PDGFD: variants seen among roughly 807,000 people sequenced by gnomAD.
The protein encoded by PDGFD is platelet derived growth factor D, also known as platelet-derived growth factor D.
In PDGFD, 30 loss-of-function variants were observed where a neutral mutation model predicts 44.7. The observed-to-expected ratio is 0.67, with a 90% CI of 0.50 to 0.91. The LOEUF is 0.91. Ranked by LOEUF, PDGFD falls within the 40% of genes least tolerant of loss-of-function variation. The probability of loss-of-function intolerance (pLI) is 0.00; values close to 1 mark genes in which losing one functional copy is unlikely to be tolerated. For synonymous variants in PDGFD, 173 were observed against 168.4 expected (o/e 1.03, Z -0.21); for missense variants, 445 against 457.8 (o/e 0.97, Z 0.25).
chr11:104,052,977 T>C (rs1206367512), intron 1 of PDGFD, among the ~76,000 whole-genome samples: 2 of 152,356 alleles, frequency 1.3e-5, no homozygotes, highest in African/African-American at 4.8e-5. Flanking sequence ...AGTAGTTTTT[T>C]CAGTAGAATA....
chr11:103,931,471 A>G (rs1858397498), intron 5 of PDGFD, among the ~76,000 whole-genome samples: 1 of 152,198 alleles, frequency 6.6e-6, no homozygotes, highest in Non-Finnish European at 1.5e-5. Flanking sequence ...CCATTCATCA[A>G]TCTTTATTCT....
intron 4 of PDGFD, among the ~76,000 whole-genome samples, chr11:103,947,249 T>G (rs1858680120): frequency 6.6e-6 from 1 of 152,160 alleles, no homozygotes; most frequent in South Asian, 2.1e-4. Flanking sequence ...ATTTTTCAAG[T>G]CTGAAAAGAC....
intron 1 of PDGFD, among the ~76,000 whole-genome samples, chr11:104,026,271 A>G (rs913501815): frequency 1.3e-5 from 2 of 152,200 alleles, no homozygotes; most frequent in African/African-American, 4.8e-5. Context: ...ACCCTTGGCC[A>G]TTCACTCAAA....
At chr11:103,986,335 G>A (rs993643125) in intron 3 of PDGFD, among the ~76,000 whole-genome samples, 1 of 152,186 alleles carries the variant, frequency 6.6e-6, no homozygotes, top group Non-Finnish European at 1.5e-5. Flanking sequence ...GAGTACAAGA[G>A]TAGAACAGAG....
intron 1 of PDGFD, among the ~76,000 whole-genome samples, chr11:104,075,968 T>C (rs1860952490): frequency 6.6e-6 from 1 of 152,212 alleles, no homozygotes; most frequent in Non-Finnish European, 1.5e-5. Flanking sequence ...TCTTGAATTG[T>C]AATACCCATG....
intron 1 of PDGFD, among the ~76,000 whole-genome samples, chr11:104,143,733 T>C (rs1246078327): frequency 6.6e-6 from 1 of 152,214 alleles, no homozygotes; most frequent in Non-Finnish European, 1.5e-5. Context: ...GCCTGGCATA[T>C]AGTGAGTATT....
intron 5 of PDGFD, among the ~76,000 whole-genome samples, chr11:103,932,084 T>C (rs1858408822): frequency 6.6e-6 from 1 of 152,218 alleles, no homozygotes; most frequent in Admixed American, 6.5e-5. Flanking sequence ...TCCTTCTCTA[T>C]GTACTCACCA....
intron 1 of PDGFD, among the ~76,000 whole-genome samples, chr11:104,148,335 G>T (rs1489853581): frequency 6.6e-6 from 1 of 152,100 alleles, no homozygotes; most frequent in Non-Finnish European, 1.5e-5. Flanking sequence ...ATAGACCAAT[G>T]ATAATATGTG....
Position 103,908,176 on chromosome 11 carries a change from T to C in PDGFD, c.*1518A>G, listed in dbSNP as rs1372024706. 1 of 152,212 alleles carries C rather than the reference T, an allele frequency of 6.6e-6. No individual in the cohort carries two copies. The highest frequency in any genetic ancestry group is 2.4e-5 in the African/African-American group (1 of 41,466). 9.4% of individuals were successfully genotyped at this position (152,212 alleles called of 1,614,324 possible). A position where few individuals can be genotyped will look rare whatever the true frequency, so the allele number is the denominator to read the frequency against. On this transcript the variant is annotated 3_prime_UTR_variant, in exon 7 of 7. Transcript: ENST00000393158. ...AACTTTCAAGGCAATAAGAAAAATG[T>C]AGTTCTCTGTTAGCAGTCCCTGAGC...
intron 1 of PDGFD, among the ~76,000 whole-genome samples, chr11:104,106,877 G>A (rs1420133264): frequency 6.6e-6 from 1 of 151,826 alleles, no homozygotes. Flanking sequence ...GCAAGTAGCT[G>A]GGACTACAGG....
chr11:104,152,627 T>C (rs900238354), intron 1 of PDGFD, among the ~76,000 whole-genome samples: 2 of 152,182 alleles, frequency 1.3e-5, no homozygotes, highest in Non-Finnish European at 2.9e-5. Flanking sequence ...AAAGGATTCA[T>C]TCTAGTCAGT....
intron 1 of PDGFD, among the ~76,000 whole-genome samples, chr11:104,144,462 C>T (rs1373182413): frequency 1.5e-5 from 2 of 134,728 alleles, no homozygotes; most frequent in Non-Finnish European, 3.1e-5. Flanking sequence ...GCTGAGATTG[C>T]GCCACTGCAC....
chr11:104,102,119 CTA>C (rs1861393709), intron 1 of PDGFD, among the ~76,000 whole-genome samples: 1 of 152,152 alleles, frequency 6.6e-6, no homozygotes, highest in South Asian at 2.1e-4. Context: ...GCAAAAGAAA[CTA>C]CCATAAGAGA....
intron 3 of PDGFD, among the ~76,000 whole-genome samples, chr11:103,995,169 C>A (rs928344096): frequency 2.0e-5 from 3 of 152,130 alleles, no homozygotes; most frequent in Non-Finnish European, 1.5e-5. Context: ...GCATGAGCCA[C>A]CACACCTGGC....
intron 1 of PDGFD, among the ~76,000 whole-genome samples, chr11:104,151,523 CCAA>C (rs951286553): frequency 6.6e-6 from 1 of 151,952 alleles, no homozygotes; most frequent in Non-Finnish European, 1.5e-5. Flanking sequence ...ATTTACATTC[CCAA>C]CAAAGAGAGA....
At chr11:103,982,211 A>G (rs965031337) in intron 3 of PDGFD, among the ~76,000 whole-genome samples, 1 of 151,768 alleles carries the variant, frequency 6.6e-6, no homozygotes, top group African/African-American at 2.4e-5. Flanking sequence ...TCAGATTACT[A>G]TAGACATAAA....
At chr11:103,968,242 G>C (rs1054425070) in intron 3 of PDGFD, among the ~76,000 whole-genome samples, 14 of 152,054 alleles carry the variant, frequency 9.2e-5, no homozygotes, top group East Asian at 5.8e-4. Context: ...TCAATACTTG[G>C]CACCTGAGTA....
At chr11:103,931,929 G>C (rs568962475) in intron 5 of PDGFD, among the ~76,000 whole-genome samples, 2 of 152,278 alleles carry the variant, frequency 1.3e-5, no homozygotes, top group Admixed American at 6.5e-5. Flanking sequence ...TGTGGAGAAT[G>C]AGCACTCAAA....
intron 1 of PDGFD, among the ~76,000 whole-genome samples, chr11:104,120,434 A>T (rs1024643942): frequency 6.6e-6 from 1 of 151,934 alleles, no homozygotes; most frequent in African/African-American, 2.4e-5. Context: ...TTCCTAGTTT[A>T]AAAATCTTTA....
Sources: gnomAD v4.1 joint callset for allele counts (sites outside exome capture counted in the v4.1 genomes callset) on GRCh38, gnomAD v4.1.1 for gene constraint, MANE v1.5 for transcripts, NCBI Gene and HGNC (gene_info 2026-07-23, HGNC 2026-07-21) for gene names.